RBFOX1: variants seen among roughly 807,000 people sequenced by gnomAD.
RBFOX1 encodes RNA binding fox-1 homolog 1.
In RBFOX1, 8 loss-of-function variants were observed where a neutral mutation model predicts 57.7. The ratio of observed to expected loss-of-function variants is 0.14; its 90% CI spans 0.08 to 0.25. The LOEUF (loss-of-function observed/expected upper bound fraction) is 0.25. RBFOX1 is among the 10% of genes least tolerant of loss of function. The probability of loss-of-function intolerance (pLI) is 1.00; values close to 1 mark genes in which losing one functional copy is unlikely to be tolerated. For missense variants in RBFOX1, 611 were observed against 548.5 expected, an observed-to-expected ratio of 1.11 and a Z score of -1.14; for synonymous variants, 326 against 222.4, an observed-to-expected ratio of 1.47 and a Z score of -4.15.
intron 1 of RBFOX1, among the ~76,000 whole-genome samples, chr16:5,460,492 G>A (rs150847026): frequency 1.3e-5 from 2 of 152,264 alleles, no homozygotes; most frequent in South Asian, 2.1e-4. Context: ...GTTTTGTTGG[G>A]GTCCTGCAGA....
chr16:7,225,905 A>AATATATAT lies in RBFOX1; in HGVS notation c.27+173815_27+173822dup, dbSNP rs1555600461. Among the ~76,000 whole-genome samples the AATATATAT allele has an allele frequency of 9.6e-5, 9 of 93,744 alleles. 1 individual carries two copies. Among genetic ancestry groups the AATATATAT allele is most frequent in the African/African-American group, 3.8e-4 (8 of 20,994 alleles). The allele number at this position is 93,744 out of a possible 152,430, so 61.5% of individuals were successfully genotyped here. On this transcript the variant is annotated intron_variant, in intron 4 of 15. Transcript: ENST00000550418. Reference sequence around the variant, plus strand: ...GTACCCTAGAACTTAAAGTATAATAAATATATATATATATAAATGTGAATG... The same window carrying AATATATAT: ...GTACCCTAGAACTTAAAGTATAATAAATATATATATATATATATATATAAATGTGAATG...
chr16:6,848,388 A>G (rs1253119781), intron 3 of RBFOX1, among the ~76,000 whole-genome samples: 3 of 152,144 alleles, frequency 2.0e-5, no homozygotes, highest in African/African-American at 2.4e-5. Flanking sequence ...AGTCACTAAT[A>G]CAAAGTTTTA....
At chr16:6,356,949 C>T (rs2087431909) in intron 2 of RBFOX1, among the ~76,000 whole-genome samples, 1 of 152,104 alleles carries the variant, frequency 6.6e-6, no homozygotes, top group South Asian at 2.1e-4. Flanking sequence ...AACTAAAAGC[C>T]ACAGGCAATC....
At chr16:6,147,384 C>T (rs1459863088) in intron 1 of RBFOX1, among the ~76,000 whole-genome samples, 1 of 152,184 alleles carries the variant, frequency 6.6e-6, no homozygotes, top group Non-Finnish European at 1.5e-5. Context: ...CAGATCCAGT[C>T]CCAAGCACCC....
At chr16:5,905,348 G>A (rs1400026329) in intron 4 of RBFOX1, among the ~76,000 whole-genome samples, 2 of 151,854 alleles carry the variant, frequency 1.3e-5, no homozygotes, top group Admixed American at 6.6e-5. Flanking sequence ...CTGCTGTGAC[G>A]GACCTAACTG....
At chr16:5,252,425 C>G (rs1345056816) in intron 1 of RBFOX1, among the ~76,000 whole-genome samples, 2 of 152,230 alleles carry the variant, frequency 1.3e-5, no homozygotes, top group Non-Finnish European at 2.9e-5. Flanking sequence ...GGCATCCTGT[C>G]TTTTCACTTG....
At chr16:6,412,264 A>G (rs1314946734) in intron 2 of RBFOX1, among the ~76,000 whole-genome samples, 1 of 152,236 alleles carries the variant, frequency 6.6e-6, no homozygotes, top group Non-Finnish European at 1.5e-5. Context: ...TGTCCCCAAG[A>G]ACAGAGTGAA....
At chr16:5,625,957 C>A (rs1157051372) in intron 3 of RBFOX1, among the ~76,000 whole-genome samples, 1 of 151,134 alleles carries the variant, frequency 6.6e-6, no homozygotes, top group Admixed American at 6.6e-5. Context: ...GCTCACTGCA[C>A]CCTCCGCCTC....
intron 2 of RBFOX1, among the ~76,000 whole-genome samples, chr16:6,478,555 C>T (rs943425869): frequency 6.7e-6 from 1 of 150,270 alleles, no homozygotes; most frequent in African/African-American, 2.4e-5. Flanking sequence ...ATTACAGGCG[C>T]TGTCCCAGCT....
Position 5,681,596 on chromosome 16 carries a change from T to C in RBFOX1, c.318+82635T>C, listed in dbSNP as rs78558725. ...TTAGTAGAGACGGACTTTCTCCATG[T>C]TGGTCAGGCTGGACTCGAACTCCCG... On this transcript the variant is annotated intron_variant, in intron 3 of 19. Transcript: ENST00000641259. Among the ~76,000 whole-genome samples the C allele has an allele frequency of 8.9e-4, 135 of 151,864 alleles. 1 individual carries two copies. The highest frequency in any genetic ancestry group is 3.1e-3 in the African/African-American group (128 of 41,384).
chr16:7,370,900 G>T (rs2097552983), intron 4 of RBFOX1, among the ~76,000 whole-genome samples: 1 of 152,152 alleles, frequency 6.6e-6, no homozygotes, highest in East Asian at 1.9e-4. Context: ...AAAAAGAAAT[G>T]GAGAGAAATG....
intron 2 of RBFOX1, among the ~76,000 whole-genome samples, chr16:6,459,258 C>A (rs1038857448): frequency 6.6e-6 from 1 of 152,118 alleles, no homozygotes; most frequent in East Asian, 1.9e-4. Flanking sequence ...ATGGCGTGAA[C>A]CCGGGAGGCA....
intron 1 of RBFOX1, among the ~76,000 whole-genome samples, chr16:5,257,592 C>T (rs1450898999): frequency 3.3e-5 from 5 of 152,290 alleles, no homozygotes; most frequent in Admixed American, 1.3e-4. Flanking sequence ...CTGTCTCTGG[C>T]GCTGAGTTCT....
intron 2 of RBFOX1, among the ~76,000 whole-genome samples, chr16:6,635,443 C>A (rs1431050731): frequency 6.6e-6 from 1 of 152,008 alleles, no homozygotes; most frequent in Non-Finnish European, 1.5e-5. Flanking sequence ...ACAGTCAAAT[C>A]TGGATGGGGA....
chr16:5,319,780 C>T (rs1185973787), intron 1 of RBFOX1, among the ~76,000 whole-genome samples: 1 of 152,180 alleles, frequency 6.6e-6, no homozygotes, highest in Non-Finnish European at 1.5e-5. Flanking sequence ...ATGGTAGATG[C>T]TGGTTGGATG....
At chr16:5,741,586 C>T (rs2052770284) in intron 3 of RBFOX1, among the ~76,000 whole-genome samples, 1 of 152,136 alleles carries the variant, frequency 6.6e-6, no homozygotes, top group African/African-American at 2.4e-5. Context: ...ATATTTTATA[C>T]ACAATCTTTT....
chr16:5,650,646 G>C (rs2049205355), intron 3 of RBFOX1, among the ~76,000 whole-genome samples: 1 of 152,126 alleles, frequency 6.6e-6, no homozygotes, highest in African/African-American at 2.4e-5. Context: ...CCAGAGGGGA[G>C]GGAATGGCAG....
intron 3 of RBFOX1, among the ~76,000 whole-genome samples, chr16:5,708,029 T>A (rs1462026167): frequency 6.6e-6 from 1 of 152,132 alleles, no homozygotes; most frequent in Non-Finnish European, 1.5e-5. Flanking sequence ...GGTTAATTAT[T>A]GTTGTTGAAA....
chr16:5,983,793 G>C (rs1415918066), intron 4 of RBFOX1, among the ~76,000 whole-genome samples: 1 of 151,826 alleles, frequency 6.6e-6, no homozygotes, highest in Non-Finnish European at 1.5e-5. Context: ...ACAGGGCCAG[G>C]CTGTCGGGGG....
Sources: gnomAD v4.1 joint callset for allele counts (sites outside exome capture counted in the v4.1 genomes callset) on GRCh38, gnomAD v4.1.1 for gene constraint, MANE v1.5 for transcripts, NCBI Gene and HGNC (gene_info 2026-07-23, HGNC 2026-07-21) for gene names.